TYW1B: variants seen among roughly 807,000 people sequenced by gnomAD.
The protein encoded by TYW1B is S-adenosyl-L-methionine-dependent tRNA 4-demethylwyosine synthase TYW1B.
In TYW1B, 73 loss-of-function variants were observed where a neutral mutation model predicts 86.9. The observed-to-expected ratio is 0.84, with a 90% CI of 0.70 to 1.02. The LOEUF (loss-of-function observed/expected upper bound fraction) is 1.02. TYW1B is among the 50% of genes least tolerant of loss of function. The pLI is 0.00. For missense variants in TYW1B, 637 were observed against 827.4 expected (o/e 0.77, Z 2.82); for synonymous variants, 248 against 292.8 (o/e 0.85, Z 1.56).
chr7:72,748,806 T>C (rs1787439392), intron 7 of TYW1B, among the ~76,000 whole-genome samples: 1 of 152,038 alleles, frequency 6.6e-6, no homozygotes, highest in South Asian at 2.1e-4. Flanking sequence ...CATATAATTC[T>C]TTCTATACTT....
At chr7:72,780,644 GA>G (rs1307397208) in intron 6 of TYW1B, among the ~76,000 whole-genome samples, 2 of 152,142 alleles carry the variant, frequency 1.3e-5, no homozygotes, top group East Asian at 1.9e-4. Context: ...CTTCACTAGA[GA>G]AAGTATCTAT....
intron 7 of TYW1B, among the ~76,000 whole-genome samples, chr7:72,772,700 T>A (rs1353474256): frequency 1.3e-5 from 2 of 152,170 alleles, no homozygotes; most frequent in African/African-American, 2.4e-5. Flanking sequence ...CCGTTTCTCA[T>A]GAGGCTTCAG....
chr7:72,777,562 G>C, intron 6 of TYW1B, 29 bp from the exon 7 acceptor site: 1 of 1,612,706 alleles, frequency 6.2e-7, no homozygotes, highest in South Asian at 1.1e-5. Context: ...ATGAAATCCA[G>C]AATTGGCAAT....
At chr7:72,631,342 G>A (rs1287407721) in intron 11 of TYW1B, among the ~76,000 whole-genome samples, 63 of 151,988 alleles carry the variant, frequency 4.1e-4, no homozygotes, top group Middle Eastern at 6.8e-3. Context: ...GTGAAACCCC[G>A]TCTCCACTAA....
chr7:72,703,088 T>C (rs1302350182), intron 10 of TYW1B, among the ~76,000 whole-genome samples: 2 of 146,768 alleles, frequency 1.4e-5, no homozygotes, highest in Non-Finnish European at 3.0e-5. Context: ...GCAGTGGCAC[T>C]ATCTCGGCTC....
chr7:72,624,348 T>C (rs1248216253), intron 12 of TYW1B, among the ~76,000 whole-genome samples: 1 of 152,208 alleles, frequency 6.6e-6, no homozygotes, highest in Non-Finnish European at 1.5e-5. Context: ...TTCTCCCAAA[T>C]AGGTCACTGT....
chr7:72,810,713 A>C (rs1301967427), intron 3 of TYW1B, 48 bp from the exon 4 acceptor site: 1 of 1,541,016 alleles, frequency 6.5e-7, no homozygotes, highest in African/African-American at 1.4e-5. Flanking sequence ...GGCATAAATT[A>C]TCTCAACGAA....
chr7:72,730,608 GAGA>G (rs1354041349), intron 8 of TYW1B, among the ~76,000 whole-genome samples: 1 of 149,938 alleles, frequency 6.7e-6, no homozygotes, highest in African/African-American at 2.5e-5. Flanking sequence ...GGAGGAAGAG[GAGA>G]AGAAGAGGAG....
At chr7:72,579,085 A>G (rs780112679) in intron 13 of TYW1B, among the ~76,000 whole-genome samples, 23 of 152,128 alleles carry the variant, frequency 1.5e-4, no homozygotes, top group South Asian at 6.2e-4. Flanking sequence ...ACAGTCAAAA[A>G]TATACTTTAT....
chr7:72,703,008 A>C (rs1349754009), intron 10 of TYW1B, among the ~76,000 whole-genome samples: 4,116 of 28,702 alleles, frequency 0.14, 476 homozygotes, highest in Non-Finnish European at 0.2. Flanking sequence ...ATATATATAT[A>C]TATATATATA....
intron 13 of TYW1B, among the ~76,000 whole-genome samples, chr7:72,614,532 C>T (rs1308747760): frequency 2.0e-5 from 3 of 151,740 alleles, no homozygotes; most frequent in Non-Finnish European, 4.4e-5. Context: ...ACTCAGGAGG[C>T]TAAGGCAGGA....
rs71300787 is a variant in TYW1B at position 72,738,101 on chromosome 7, T to TG, written c.1082+6382dup. On this transcript the variant is annotated intron_variant, in intron 8 of 13. Coordinates refer to ENST00000620995, the MANE Select transcript of TYW1B (RefSeq NM_001145440.3). ...ATTTCTTTCTTTCTTTTTTTTTTTTTGAGGAGTCTCGCACAGTCACCCAGC... is the reference window on the plus strand; with the variant it reads ...ATTTCTTTCTTTCTTTTTTTTTTTTTGGAGGAGTCTCGCACAGTCACCCAGC... Among the ~76,000 whole-genome samples the TG allele has an allele frequency of 4.1e-5, 6 of 145,190 alleles. No homozygotes were observed. In the Admixed American group the frequency reaches 4.1e-4, roughly 10 times the overall value.
chr7:72,764,711 C>T (rs1456949396), intron 7 of TYW1B, among the ~76,000 whole-genome samples: 18 of 152,148 alleles, frequency 1.2e-4, no homozygotes, highest in Non-Finnish European at 1.9e-4. Context: ...CACAGTACAA[C>T]GGTACTGCGT....
At chr7:72,804,488 A>AT (rs1267204779) in intron 5 of TYW1B, among the ~76,000 whole-genome samples, 3 of 152,086 alleles carry the variant, frequency 2.0e-5, no homozygotes, top group African/African-American at 7.2e-5. Flanking sequence ...ACGGACAGCT[A>AT]TGACAATACA....
intron 6 of TYW1B, among the ~76,000 whole-genome samples, chr7:72,781,448 A>G (rs1467754740): frequency 1.3e-5 from 2 of 152,108 alleles, no homozygotes; most frequent in African/African-American, 4.8e-5. Flanking sequence ...CCCTCTGCCT[A>G]TAAAACCTGC....
chr7:72,738,518 G>C (rs573216267), intron 8 of TYW1B, among the ~76,000 whole-genome samples: 7 of 152,254 alleles, frequency 4.6e-5, no homozygotes, highest in African/African-American at 1.4e-4. Flanking sequence ...TTGTTGCGGA[G>C]CACTGTCCTA....
intron 12 of TYW1B, 33 bp downstream of exon 12, chr7:72,628,854 C>A: frequency 6.4e-7 from 1 of 1,554,626 alleles, no homozygotes; most frequent in Non-Finnish European, 8.7e-7. Flanking sequence ...CTTTGTCACT[C>A]CACCACGGCC....
At chr7:72,722,557 G>A (rs1786923699) in intron 9 of TYW1B, among the ~76,000 whole-genome samples, 2 of 152,160 alleles carry the variant, frequency 1.3e-5, no homozygotes, top group African/African-American at 4.8e-5. Flanking sequence ...TATATAAAAG[G>A]AACGCTAATA....
chr7:72,747,044 T>C (rs1787407993), intron 7 of TYW1B, among the ~76,000 whole-genome samples: 1 of 152,186 alleles, frequency 6.6e-6, no homozygotes, highest in Non-Finnish European at 1.5e-5. Context: ...TCTGTTGGTT[T>C]TGGCCTATGG....
Sources: allele counts gnomAD v4.1 joint callset (sites outside exome capture counted in the v4.1 genomes callset), GRCh38; gene constraint gnomAD v4.1.1; transcripts MANE v1.5; gene names NCBI Gene and HGNC (gene_info 2026-07-23, HGNC 2026-07-21).